Variants in HPCAL1 observed in about 807,000 individuals in gnomAD.
HPCAL1 encodes the protein hippocalcin-like protein 1.
A neutral mutation model predicts 17.1 loss-of-function variants in HPCAL1; 8 were observed. The observed-to-expected ratio is 0.47, with a 90% CI of 0.27 to 0.84. The LOEUF (loss-of-function observed/expected upper bound fraction) is 0.84, where lower values mean the gene tolerates loss of function less well. Ranked by LOEUF, HPCAL1 falls within the 40% of genes least tolerant of loss-of-function variation. The pLI is 0.13. For missense variants in HPCAL1, 165 were observed against 271.1 expected, an observed-to-expected ratio of 0.61 and a Z score of 2.75; for synonymous variants, 112 against 111.4, an observed-to-expected ratio of 1.01 and a Z score of -0.03.
chr2:10,378,248 T>TTTTC (rs775950855), intron 1 of HPCAL1, among the ~76,000 whole-genome samples: 1 of 113,910 alleles, frequency 8.8e-6, no homozygotes, highest in African/African-American at 3.5e-5. Flanking sequence ...TTTTTTTTTT[T>TTTTC]ACTGCTTTGA....
intron 1 of HPCAL1, among the ~76,000 whole-genome samples, chr2:10,368,327 T>G (rs1003383564): frequency 2.6e-5 from 4 of 151,610 alleles, no homozygotes; most frequent in African/African-American, 9.7e-5. Flanking sequence ...CGTGTGGGTG[T>G]GTGTGCAGTG....
intron 2 of HPCAL1, among the ~76,000 whole-genome samples, chr2:10,413,097 C>A (rs1461273598): frequency 1.3e-5 from 2 of 152,248 alleles, no homozygotes; most frequent in Non-Finnish European, 2.9e-5. Flanking sequence ...AGAATCCTTT[C>A]TTTGAAAGAG....
intron 1 of HPCAL1, among the ~76,000 whole-genome samples, chr2:10,320,751 TTCAC>T (rs772195723): frequency 6.6e-6 from 1 of 152,198 alleles, no homozygotes; most frequent in Non-Finnish European, 1.5e-5. Context: ...CATTCATTCA[TTCAC>T]TCACTCATTC....
chr2:10,409,749 CCTCTCCAGCCTCTTCCT>C (rs1292412046), intron 2 of HPCAL1, among the ~76,000 whole-genome samples: 1 of 150,810 alleles, frequency 6.6e-6, no homozygotes, highest in Non-Finnish European at 1.5e-5. Flanking sequence ...ACAACAAACG[CCTCTCCAGCCTCTTCCT>C]GAGCCTCAGT....
chr2:10,364,622 T>TTTTTTTTTGGAGACAGTGG (rs1666733174), intron 1 of HPCAL1, among the ~76,000 whole-genome samples: 1 of 151,476 alleles, frequency 6.6e-6, no homozygotes, highest in Non-Finnish European at 1.5e-5. Flanking sequence ...GCTCACTCTG[T>TTTTTTTTTGGAGACAGTGG]CACCCAGGCT....
chr2:10,364,545 C>G (rs988509437), intron 1 of HPCAL1, among the ~76,000 whole-genome samples: 3 of 151,826 alleles, frequency 2.0e-5, no homozygotes, highest in Non-Finnish European at 4.4e-5. Flanking sequence ...ATGAACTTCC[C>G]TCCCCGGCCC....
At chr2:10,349,679 G>T (rs1189673343) in intron 1 of HPCAL1, among the ~76,000 whole-genome samples, 1 of 109,580 alleles carries the variant, frequency 9.1e-6, no homozygotes, top group East Asian at 3.1e-4. Flanking sequence ...CTCCAGCCTG[G>T]GTGACAGAGC....
intron 1 of HPCAL1, among the ~76,000 whole-genome samples, chr2:10,386,047 G>A (rs917352677): frequency 6.6e-5 from 10 of 152,180 alleles, no homozygotes; most frequent in African/African-American, 1.9e-4. Context: ...CAGGACTTGC[G>A]TGTGACAAGC....
chr2:10,374,117 C>T (rs1378973976), intron 1 of HPCAL1, among the ~76,000 whole-genome samples: 1 of 151,630 alleles, frequency 6.6e-6, no homozygotes, highest in Admixed American at 6.6e-5. Context: ...TGCAGTGCTC[C>T]AGATGCTGCA....
chr2:10,305,462 T>C (rs1027860497), intron 1 of HPCAL1, among the ~76,000 whole-genome samples: 2 of 152,218 alleles, frequency 1.3e-5, no homozygotes, highest in Non-Finnish European at 2.9e-5. Flanking sequence ...GCCCTGCCTC[T>C]CCCTTGCGGT....
chr2:10,389,880 T>C (rs1457046078), intron 1 of HPCAL1, among the ~76,000 whole-genome samples: 2 of 152,354 alleles, frequency 1.3e-5, no homozygotes, highest in Non-Finnish European at 1.5e-5. Flanking sequence ...CATGTGTCCT[T>C]CTTTCTGTTG....
chr2:10,326,499 G>A (rs1664027210), intron 1 of HPCAL1, among the ~76,000 whole-genome samples: 1 of 152,176 alleles, frequency 6.6e-6, no homozygotes. Flanking sequence ...GGGGGGAATT[G>A]GCCGCCTGGG....
chr2:10,342,222 C>T lies in HPCAL1; in HGVS notation c.-111+39045C>T, dbSNP rs1309916153. 2.6e-5 allele frequency among the ~76,000 whole-genome samples: 4 copies of T among 151,954 alleles called. No individual in the cohort carries two copies. The highest frequency in any genetic ancestry group is 2.6e-4 in the Admixed American group (4 of 15,248). On this transcript the variant is annotated intron_variant, in intron 1 of 4. Transcript: ENST00000307845. The surrounding 1 kb of genome is among the most constrained non-coding windows in gnomAD (Gnocchi z 4.1). ...TGCTCCCCGTTTCATTTAGATGGAG[C>T]GTTTGTGGGATTTAAGACAGATTTT...
chr2:10,341,890 G>A (rs79975256), intron 1 of HPCAL1, among the ~76,000 whole-genome samples: 17,512 of 152,122 alleles, frequency 0.12, 1,217 homozygotes, highest in South Asian at 0.23. Context: ...GGGCGTGCTG[G>A]CTCACACGTG....
chr2:10,328,609 G>T (rs937635667), intron 1 of HPCAL1, among the ~76,000 whole-genome samples: 1 of 152,132 alleles, frequency 6.6e-6, no homozygotes, highest in Non-Finnish European at 1.5e-5. Context: ...TGGACATGGA[G>T]CTCCCGGTTC....
rs1668927119 is a variant in HPCAL1 at position 10,395,034 on chromosome 2, C to T, written c.-110-1801C>T. On this transcript the variant is annotated intron_variant, in intron 1 of 4. Coordinates refer to ENST00000307845, the MANE Select transcript of HPCAL1 (RefSeq NM_002149.4). The surrounding 1 kb of genome is among the most constrained non-coding windows in gnomAD (Gnocchi z 4.4). Reference sequence around the variant, plus strand: ...GTGGTCTCGAACTCCTGGAGTCAAGCAATCCACCTGCCTCAGCTTCCCAGA... The same window carrying T: ...GTGGTCTCGAACTCCTGGAGTCAAGTAATCCACCTGCCTCAGCTTCCCAGA... 6.6e-6 allele frequency among the ~76,000 whole-genome samples: 1 copy of T among 151,688 alleles called. No individual in the cohort carries two copies. The highest frequency in any genetic ancestry group is 6.6e-5 in the Admixed American group (1 of 15,224).
At chr2:10,400,407 C>A (rs1226690233) in intron 2 of HPCAL1, among the ~76,000 whole-genome samples, 1 of 152,192 alleles carries the variant, frequency 6.6e-6, no homozygotes, top group Non-Finnish European at 1.5e-5. Flanking sequence ...AACAATTCTT[C>A]TGGAAGAAGT....
intron 1 of HPCAL1, among the ~76,000 whole-genome samples, chr2:10,353,130 A>G (rs946403683): frequency 1.3e-5 from 2 of 152,212 alleles, no homozygotes; most frequent in African/African-American, 4.8e-5. Context: ...TCAATTTGCC[A>G]GGAGACTCAG....
chr2:10,393,214 C>T (rs981322470), intron 1 of HPCAL1, among the ~76,000 whole-genome samples: 1 of 152,218 alleles, frequency 6.6e-6, no homozygotes, highest in African/African-American at 2.4e-5. Flanking sequence ...GATTCTGTCT[C>T]GAGCAATGAC....
Sources: allele counts gnomAD v4.1 joint callset (sites outside exome capture counted in the v4.1 genomes callset), GRCh38; gene constraint gnomAD v4.1.1; non-coding constraint Gnocchi (gnomAD v3.1); transcripts MANE v1.5; gene names NCBI Gene and HGNC (gene_info 2026-07-23, HGNC 2026-07-21).